RBFOX1: variants seen among roughly 807,000 people sequenced by gnomAD.
The protein encoded by RBFOX1 is RNA binding protein fox-1 homolog 1.
In RBFOX1, 8 loss-of-function variants were observed where a neutral mutation model predicts 57.7. That is an observed-to-expected ratio of 0.14 (90% CI 0.08 to 0.25). The LOEUF is 0.25. Among genes scored for constraint, RBFOX1 ranks in the 10% least tolerant of loss-of-function variants. The pLI is 1.00. For synonymous variants in RBFOX1, 326 were observed against 222.4 expected, an observed-to-expected ratio of 1.47 and a Z score of -4.15; for missense variants, 611 against 548.5, an observed-to-expected ratio of 1.11 and a Z score of -1.14.
At chr16:5,939,187 C>A (rs2059231224) in intron 4 of RBFOX1, among the ~76,000 whole-genome samples, 2 of 152,102 alleles carry the variant, frequency 1.3e-5, no homozygotes, top group African/African-American at 4.8e-5. Context: ...CATATGTAGA[C>A]ATGTAACAAA....
chr16:5,578,166 G>T (rs2046532292), intron 2 of RBFOX1, among the ~76,000 whole-genome samples: 1 of 152,114 alleles, frequency 6.6e-6, no homozygotes, highest in Admixed American at 6.5e-5. Flanking sequence ...TGGCCATGAT[G>T]GTTTTGATCT....
chr16:7,493,521 T>A (rs747666145), intron 4 of RBFOX1, among the ~76,000 whole-genome samples: 4 of 152,134 alleles, frequency 2.6e-5, no homozygotes, highest in Non-Finnish European at 2.9e-5. Context: ...TTCTATAGTA[T>A]CCAGATGAGT....
chr16:5,998,306 T>G (rs2060525122), intron 4 of RBFOX1, among the ~76,000 whole-genome samples: 1 of 152,262 alleles, frequency 6.6e-6, no homozygotes, highest in African/African-American at 2.4e-5. Context: ...TCTATTGCAA[T>G]TCATTAAATT....
intron 1 of RBFOX1, among the ~76,000 whole-genome samples, chr16:5,247,630 A>G (rs1304471927): frequency 6.6e-6 from 1 of 152,128 alleles, no homozygotes; most frequent in Non-Finnish European, 1.5e-5. Context: ...ACACAGCCAC[A>G]CCTATTTCAG....
intron 5 of RBFOX1, among the ~76,000 whole-genome samples, chr16:7,558,125 T>G (rs1404734559): frequency 1.3e-5 from 2 of 152,008 alleles, no homozygotes; most frequent in African/African-American, 4.8e-5. Context: ...GGGGCCGAGG[T>G]GGTAGATCAC....
intron 4 of RBFOX1, among the ~76,000 whole-genome samples, chr16:7,289,399 A>G (rs1005037910): frequency 3.3e-5 from 5 of 151,920 alleles, no homozygotes; most frequent in African/African-American, 1.2e-4. Context: ...CGATACCAAC[A>G]TTACCACCAC....
intron 3 of RBFOX1, among the ~76,000 whole-genome samples, chr16:5,772,450 C>T (rs1210147836): frequency 6.6e-6 from 1 of 152,306 alleles, no homozygotes; most frequent in East Asian, 1.9e-4. Context: ...CCTCAGGTAC[C>T]TCTTCTGCAC....
At position 7,127,269 on chromosome 16, in the gene RBFOX1, T is replaced by C. The variant is rs17559701; in HGVS notation, c.27+75171T>C. On this transcript the variant is annotated intron_variant, in intron 4 of 15. Coordinates refer to ENST00000550418, the MANE Select transcript of RBFOX1 (RefSeq NM_018723.4). ...CCTGTATCCATGGTGTTGTCAGCAATATGTAATATTATCCATAGTACTTAT... is the reference window on the plus strand; with the variant it reads ...CCTGTATCCATGGTGTTGTCAGCAACATGTAATATTATCCATAGTACTTAT... 6.5e-3 allele frequency among the ~76,000 whole-genome samples: 993 copies of C among 152,302 alleles called. 6 individuals are homozygous for C. The highest frequency in any genetic ancestry group is 0.012 in the South Asian group (59 of 4,822).
intron 3 of RBFOX1, among the ~76,000 whole-genome samples, chr16:6,920,129 G>T (rs1215247669): frequency 6.6e-6 from 1 of 152,138 alleles, no homozygotes; most frequent in Non-Finnish European, 1.5e-5. Flanking sequence ...CCATTTTATG[G>T]CTGAGTCATA....
chr16:6,014,112 TA>T (rs1224700759), upstream of RBFOX1, among the ~76,000 whole-genome samples: 6 of 151,924 alleles, frequency 3.9e-5, no homozygotes, highest in African/African-American at 1.5e-4. Context: ...TAAAGTATAA[TA>T]AAAAAATTAA....
chr16:5,524,282 G>A lies in RBFOX1; in HGVS notation c.258+57028G>A, dbSNP rs138950281. On this transcript the variant is annotated intron_variant, in intron 2 of 2. Transcript: ENST00000585867. ...GACATATTTCCGTGCTGTGTTACTG[G>A]AAGGAAACCATGCTCTGAAACTTCT... Among the ~76,000 whole-genome samples, 161 of 152,258 alleles carry A rather than the reference G, an allele frequency of 1.1e-3. 2 individuals carry two copies. The highest frequency in any genetic ancestry group is 1.2e-3 in the South Asian group (6 of 4,826).
intron 4 of RBFOX1, among the ~76,000 whole-genome samples, chr16:7,500,375 A>G (rs2070333508): frequency 6.6e-6 from 1 of 152,210 alleles, no homozygotes; most frequent in Non-Finnish European, 1.5e-5. Context: ...TTGTAAGTCC[A>G]GTGAGGTTGT....
intron 3 of RBFOX1, among the ~76,000 whole-genome samples, chr16:6,917,307 G>T (rs545931809): frequency 6.6e-6 from 1 of 152,192 alleles, no homozygotes; most frequent in Admixed American, 6.5e-5. Context: ...CTGAACAGAG[G>T]ATGTCACAGT....
At chr16:6,183,502 A>G (rs2097082522) in intron 1 of RBFOX1, among the ~76,000 whole-genome samples, 1 of 150,168 alleles carries the variant, frequency 6.7e-6, no homozygotes, top group African/African-American at 2.4e-5. Flanking sequence ...AAATAAATAA[A>G]TAAATAAATA....
At chr16:7,693,228 C>T (rs1323906964) in intron 14 of RBFOX1, 6 of 1,080,868 alleles carry the variant, frequency 5.6e-6, no homozygotes, top group South Asian at 1.3e-5. Flanking sequence ...ACCCTTCCCT[C>T]CCCTCATCTG....
chr16:7,289,663 A>G (rs1036536485), intron 4 of RBFOX1, among the ~76,000 whole-genome samples: 1 of 152,012 alleles, frequency 6.6e-6, no homozygotes, highest in African/African-American at 2.4e-5. Flanking sequence ...CACCACCCCC[A>G]CCATCATCAT....
At chr16:6,900,428 A>C (rs760601071) in intron 3 of RBFOX1, among the ~76,000 whole-genome samples, 1 of 152,166 alleles carries the variant, frequency 6.6e-6, no homozygotes, top group Admixed American at 6.5e-5. Flanking sequence ...TGCTACCACT[A>C]TCTGCTCTCC....
chr16:6,624,221 G>A lies in RBFOX1; in HGVS notation c.-63-30382G>A, dbSNP rs570517559. Among the ~76,000 whole-genome samples the A allele has an allele frequency of 3.8e-4, 58 of 152,302 alleles. 2 individuals carry two copies. The highest frequency in any genetic ancestry group is 1.3e-3 in the African/African-American group (53 of 41,560). On this transcript the variant is annotated intron_variant, in intron 2 of 15. Transcript: ENST00000550418. Reference sequence around the variant, plus strand: ...AGCACATGGTTACTGCCTTTCCTAAGGAGTAAGCCAGGAAAAGAAACTTTG... The same window carrying A: ...AGCACATGGTTACTGCCTTTCCTAAAGAGTAAGCCAGGAAAAGAAACTTTG...
intron 4 of RBFOX1, among the ~76,000 whole-genome samples, chr16:7,134,638 T>C (rs1224761719): frequency 1.3e-5 from 2 of 152,182 alleles, no homozygotes; most frequent in Non-Finnish European, 2.9e-5. Context: ...AAAATGATCG[T>C]TGAAGAAAAG....
Sources: gnomAD v4.1 joint callset for allele counts (sites outside exome capture counted in the v4.1 genomes callset) on GRCh38, gnomAD v4.1.1 for gene constraint, MANE v1.5 for transcripts, NCBI Gene and HGNC (gene_info 2026-07-23, HGNC 2026-07-21) for gene names.